CREB3L2: variants seen among roughly 807,000 people sequenced by gnomAD.
CREB3L2 encodes the protein cAMP responsive element binding protein 3 like 2, also known as cyclic AMP-responsive element-binding protein 3-like protein 2.
Under a neutral mutation model 57.2 loss-of-function variants are expected in CREB3L2, and 23 were observed. The observed-to-expected ratio is 0.40, with a 90% CI of 0.29 to 0.57. The LOEUF is 0.57. Ranked by LOEUF, CREB3L2 falls within the 20% of genes least tolerant of loss-of-function variation. The pLI, the probability that CREB3L2 is intolerant of heterozygous loss-of-function variation, is 0.42. For synonymous variants in CREB3L2, 268 were observed against 265.1 expected (o/e 1.01, Z -0.11); for missense variants, 628 against 634.7 (o/e 0.99, Z 0.11).
At chr7:137,957,558 G>GA (rs1211937399) in intron 1 of CREB3L2, among the ~76,000 whole-genome samples, 6 of 151,932 alleles carry the variant, frequency 3.9e-5, no homozygotes, top group African/African-American at 1.2e-4. Flanking sequence ...CTTCGCATCA[G>GA]AAAAAAATAC....
intron 1 of CREB3L2, among the ~76,000 whole-genome samples, chr7:137,946,868 A>C (rs61449447): frequency 0.016 from 927 of 56,236 alleles, 153 homozygotes; most frequent in African/African-American, 0.05. Context: ...ATATAGTTAT[A>C]TATATAGTTA....
At chr7:137,989,685 C>G (rs1801854012) in intron 1 of CREB3L2, among the ~76,000 whole-genome samples, 1 of 152,110 alleles carries the variant, frequency 6.6e-6, no homozygotes, top group Non-Finnish European at 1.5e-5. Context: ...CTCCAAATGC[C>G]CTTTACGTGT....
chr7:137,980,415 C>T lies in CREB3L2; in HGVS notation c.102+21189G>A, dbSNP rs757130570. On this transcript the variant is annotated intron_variant, in intron 1 of 11. Transcript: ENST00000330387. The surrounding 1 kb of genome is among the most constrained non-coding windows in gnomAD (Gnocchi z 4.3). Reference sequence around the variant, plus strand: ...AGGAGCTTCATTGTTCCAGTGGGTTCGCCTGGCCTGGGGCAGCTCAGGAGA... The same window carrying T: ...AGGAGCTTCATTGTTCCAGTGGGTTTGCCTGGCCTGGGGCAGCTCAGGAGA... Among the ~76,000 whole-genome samples, 4 of 152,190 alleles carry T rather than the reference C, an allele frequency of 2.6e-5. No homozygotes were observed. The highest frequency in any genetic ancestry group is 4.4e-5 in the Non-Finnish European group (3 of 68,036).
chr7:137,918,388 G>A (rs1375308783), intron 2 of CREB3L2, among the ~76,000 whole-genome samples: 1 of 152,070 alleles, frequency 6.6e-6, no homozygotes, highest in African/African-American at 2.4e-5. Flanking sequence ...ACGGGGTTTT[G>A]TCATGTTGAC....
At chr7:137,920,848 G>C (rs1276478919) in intron 2 of CREB3L2, among the ~76,000 whole-genome samples, 2 of 152,232 alleles carry the variant, frequency 1.3e-5, no homozygotes, top group African/African-American at 4.8e-5. Context: ...TGAACTACTG[G>C]AGGTTGGCTT....
In CREB3L2 at chr7:137,876,456, C is replaced by T. The variant is rs1358364846; in HGVS notation, c.*4020G>A. On this transcript the variant is annotated 3_prime_UTR_variant, in exon 12 of 12. Coordinates refer to ENST00000330387, the MANE Select transcript of CREB3L2 (RefSeq NM_194071.4). ...ATGTTTCCTCAATCCCTTCTATTCC[C>T]CAATATTCCCTAGGGCCTCAGGCAA... The T allele has an allele frequency of 1.3e-5, 3 of 232,178 alleles. No homozygotes were observed. The highest frequency in any genetic ancestry group is 6.6e-5 in the African/African-American group (3 of 45,132). 14.4% of individuals were successfully genotyped at this position (232,178 alleles called of 1,614,324 possible).
At position 137,885,396 on chromosome 7, in the gene CREB3L2, A is replaced by G. The variant is rs375700414; in HGVS notation, c.1143+7T>C. ...CGGTCACTGTGCTACCCTGCTGGGAAGCTCACCATGAGGCAGGTGCCAGTC... is the reference window on the plus strand; with the variant it reads ...CGGTCACTGTGCTACCCTGCTGGGAGGCTCACCATGAGGCAGGTGCCAGTC... On this transcript the variant is annotated splice_region_variant and intron_variant, in intron 9 of 11. Transcript: ENST00000330387. 5.0e-6 allele frequency: 8 copies of G among 1,612,020 alleles called. No individual in the cohort carries two copies. The highest frequency in any genetic ancestry group is 1.3e-5 in the African/African-American group (1 of 74,868).
At chr7:137,884,877 C>T (rs1379523805) in intron 10 of CREB3L2, 118 bp downstream of exon 10, 1 of 1,431,948 alleles carries the variant, frequency 7.0e-7, no homozygotes, top group Non-Finnish European at 9.8e-7. Flanking sequence ...GGAGAAGCTC[C>T]ACTTTTACCA....
rs566611483 is a variant in CREB3L2, at chr7:137,898,672, C to T, written c.1043+2682G>A. Among the ~76,000 whole-genome samples, 18 of 152,194 alleles carry T rather than the reference C, an allele frequency of 1.2e-4. No individual in the cohort carries two copies. In the South Asian group the frequency reaches 3.5e-3, roughly 30 times the overall value. ...CCTATGAAGAATTCTTACCAAAAAC[C>T]AAAACCAAACAAAGTAGAGTCTGTA... On this transcript the variant is annotated intron_variant, in intron 8 of 11. Coordinates refer to ENST00000330387, the MANE Select transcript of CREB3L2 (RefSeq NM_194071.4).
Position 137,922,415 on chromosome 7 carries a change from T to TATATATAC in CREB3L2, c.319+5734_319+5735insGTATATAT, listed in dbSNP as rs1491237233. Reference sequence around the variant, plus strand: ...ATATATATATATATATATATATATATGTATATATATATATATATATACGTA... The same window carrying TATATATAC: ...ATATATATATATATATATATATATATATATATACGTATATATATATATATATATACGTA... On this transcript the variant is annotated intron_variant, in intron 2 of 11. Transcript: ENST00000330387. Among the ~76,000 whole-genome samples the TATATATAC allele has an allele frequency of 2.6e-3, 61 of 23,144 alleles. 1 individual carries two copies. The highest frequency in any genetic ancestry group is 6.4e-3 in the African/African-American group (47 of 7,376). 15.2% of individuals were successfully genotyped at this position (23,144 alleles called of 152,430 possible).
At chr7:137,992,852 AC>A (rs1438474353) in intron 1 of CREB3L2, among the ~76,000 whole-genome samples, 28 of 152,228 alleles carry the variant, frequency 1.8e-4, no homozygotes, top group African/African-American at 6.5e-4. Flanking sequence ...CAGAGAAAAG[AC>A]TATTGGATTT....
intron 1 of CREB3L2, among the ~76,000 whole-genome samples, chr7:137,951,611 T>C (rs75878843): frequency 0.02 from 3,004 of 152,298 alleles, 103 homozygotes; most frequent in African/African-American, 0.069. Context: ...AAGGAATTAT[T>C]GGCGAAATGT....
At chr7:137,905,616 G>A (rs1337264798) in intron 6 of CREB3L2, 86 bp downstream of exon 6, 3 of 1,427,382 alleles carry the variant, frequency 2.1e-6, no homozygotes, top group East Asian at 2.3e-5. Flanking sequence ...ATGGGGTAGT[G>A]CTGGCCGTTG....
chr7:137,945,214 G>T (rs1349385201), intron 1 of CREB3L2, among the ~76,000 whole-genome samples: 1 of 152,204 alleles, frequency 6.6e-6, no homozygotes, highest in Non-Finnish European at 1.5e-5. Flanking sequence ...ACTTTTAATT[G>T]AAAGTAGAAA....
chr7:137,917,965 G>A (rs923290713), intron 2 of CREB3L2, among the ~76,000 whole-genome samples: 3 of 152,134 alleles, frequency 2.0e-5, no homozygotes, highest in Admixed American at 6.5e-5. Context: ...GGCCAGAGGA[G>A]GGAGACCACT....
At position 137,880,456 on chromosome 7, in the gene CREB3L2, A is replaced by AG. The variant is rs779686427; in HGVS notation, c.*19dup. 6.2e-7 allele frequency: 1 copy of AG among 1,600,766 alleles called. No individual in the cohort carries two copies. Among genetic ancestry groups the AG allele is most frequent in the Non-Finnish European group, 8.6e-7 (1 of 1,168,900 alleles). On this transcript the variant is annotated 3_prime_UTR_variant, in exon 12 of 12. Transcript: ENST00000330387. This position sits in a 1 kb window ranked among gnomAD's most constrained non-coding sequence, Gnocchi z 4.0. ...GTAAAAGTAGAGTTAAGGGAAAGGG[A>AG]GGGGGTGCAGGCAGCCTCTTTAGAA...
intron 1 of CREB3L2, among the ~76,000 whole-genome samples, chr7:137,972,271 T>A (rs554514828): frequency 6.6e-6 from 1 of 152,052 alleles, no homozygotes; most frequent in East Asian, 1.9e-4. Flanking sequence ...AAACCCCGTC[T>A]CTACTAAAAA....
chr7:137,961,875 T>C (rs1801329254), intron 1 of CREB3L2, among the ~76,000 whole-genome samples: 1 of 152,188 alleles, frequency 6.6e-6, no homozygotes, highest in Non-Finnish European at 1.5e-5. Context: ...GCCCTCTTCA[T>C]GCCCAATGCT....
chr7:137,892,484 C>G (rs1191632992), intron 8 of CREB3L2, among the ~76,000 whole-genome samples: 1 of 152,036 alleles, frequency 6.6e-6, no homozygotes, highest in Admixed American at 6.6e-5. Context: ...AACCCTGTCT[C>G]TACTAAAATA....
Sources: gnomAD v4.1 joint callset for allele counts (sites outside exome capture counted in the v4.1 genomes callset) on GRCh38, gnomAD v4.1.1 for gene constraint, Gnocchi (gnomAD v3.1) non-coding constraint, MANE v1.5 for transcripts, NCBI Gene and HGNC (gene_info 2026-07-23, HGNC 2026-07-21) for gene names.